Variants in DIAPH2 observed in about 807,000 individuals in gnomAD.
DIAPH2 encodes protein diaphanous homolog 2.
In DIAPH2, 35 loss-of-function variants were observed where a neutral mutation model predicts 92.7. That is an observed-to-expected ratio of 0.38 (90% CI 0.29 to 0.50). DIAPH2 has a LOEUF of 0.50. DIAPH2 is among the 20% of genes least tolerant of loss of function. The pLI, the probability that DIAPH2 is intolerant of heterozygous loss-of-function variation, is 0.94. For missense variants in DIAPH2, 701 were observed against 819.5 expected (o/e 0.86, Z 1.77); for synonymous variants, 301 against 280.4 (o/e 1.07, Z -0.73).
At chrX:97,204,811 G>GA (rs1209317457) in intron 22 of DIAPH2, among the ~76,000 whole-genome samples, 3 of 111,032 alleles carry the variant, frequency 2.7e-5, no homozygotes, top group Non-Finnish European at 3.8e-5. Flanking sequence ...CACAGAGTTG[G>GA]AAAAAAACTA....
intron 4 of DIAPH2, among the ~76,000 whole-genome samples, chrX:96,762,509 C>T (rs1269876382): frequency 1.8e-5 from 2 of 110,705 alleles, no homozygotes; most frequent in Non-Finnish European, 3.8e-5. Context: ...AAAACAGTAT[C>T]GTACACCTTA....
chrX:97,148,584 C>T (rs950132208), intron 22 of DIAPH2, among the ~76,000 whole-genome samples: 3 of 110,699 alleles, frequency 2.7e-5, no homozygotes, highest in Admixed American at 9.6e-5. Context: ...GCACCTCAGT[C>T]GGAGGGGCTC....
chrX:96,818,940 C>T (rs780086168), intron 4 of DIAPH2, among the ~76,000 whole-genome samples: 38 of 112,701 alleles, frequency 3.4e-4, no homozygotes, highest in African/African-American at 1.2e-3. Context: ...CACCTCAGAT[C>T]ATCAGGCATT....
At chrX:97,195,209 A>C (rs1347023941) in intron 22 of DIAPH2, among the ~76,000 whole-genome samples, 2 of 112,177 alleles carry the variant, frequency 1.8e-5, no homozygotes, top group East Asian at 5.8e-4. Context: ...GATAGCTGAA[A>C]TATATATAAC....
intron 5 of DIAPH2, among the ~76,000 whole-genome samples, chrX:96,898,335 C>T (rs1431639489): frequency 1.9e-5 from 2 of 104,007 alleles, no homozygotes; most frequent in Non-Finnish European, 2.0e-5. Flanking sequence ...AGTTTACAGT[C>T]CCACCAACAG....
At chrX:97,310,727 G>A (rs2068786373) in intron 23 of DIAPH2, among the ~76,000 whole-genome samples, 1 of 111,550 alleles carries the variant, frequency 9.0e-6, no homozygotes, top group Admixed American at 9.6e-5. Flanking sequence ...GGATCTGCCG[G>A]GTGTGGTGGG....
chrX:97,063,033 C>CAAAAA (rs56405925), intron 17 of DIAPH2, among the ~76,000 whole-genome samples: 11 of 57,363 alleles, frequency 1.9e-4, no homozygotes, highest in South Asian at 1.2e-3. Flanking sequence ...AACTCTGTCT[C>CAAAAA]AAAAAAAAAA....
At chrX:96,852,375 G>A (rs913853349) in intron 4 of DIAPH2, among the ~76,000 whole-genome samples, 1 of 112,222 alleles carries the variant, frequency 8.9e-6, no homozygotes, top group Non-Finnish European at 1.9e-5. Context: ...GAAGTTTACA[G>A]AATTATGTTT....
At chrX:97,306,679 C>T (rs775878542) in intron 23 of DIAPH2, among the ~76,000 whole-genome samples, 2 of 111,597 alleles carry the variant, frequency 1.8e-5, no homozygotes, top group East Asian at 5.7e-4. Flanking sequence ...TTCTTTGTAT[C>T]TGGGTGGTTA....
intron 4 of DIAPH2, among the ~76,000 whole-genome samples, chrX:96,864,367 T>G (rs976424089): frequency 9.1e-6 from 1 of 109,480 alleles, no homozygotes; most frequent in Non-Finnish European, 1.9e-5. Flanking sequence ...ATCAGCATTG[T>G]AAAAGAATAT....
At chrX:97,180,747 T>C (rs2147464152) in intron 22 of DIAPH2, among the ~76,000 whole-genome samples, 1 of 111,883 alleles carries the variant, frequency 8.9e-6, no homozygotes, top group South Asian at 3.7e-4. Context: ...CCCAGCACCA[T>C]TTATTAAATA....
intron 4 of DIAPH2, among the ~76,000 whole-genome samples, chrX:96,817,232 G>T: frequency 9.0e-6 from 1 of 111,728 alleles, no homozygotes; most frequent in Middle Eastern, 4.6e-3. Flanking sequence ...TGTATAATTG[G>T]ATTGTTTGTA....
At chrX:96,734,426 G>A (rs747115780) in intron 1 of DIAPH2, among the ~76,000 whole-genome samples, 1 of 111,872 alleles carries the variant, frequency 8.9e-6, no homozygotes, top group East Asian at 2.8e-4. Context: ...GGTATTGCAG[G>A]AAATCATGAA....
At chrX:97,392,208 T>A (rs2069666333) in intron 25 of DIAPH2, among the ~76,000 whole-genome samples, 1 of 111,693 alleles carries the variant, frequency 9.0e-6, no homozygotes, top group African/African-American at 3.3e-5. Context: ...TATAGGATAA[T>A]GACATTCACC....
intron 19 of DIAPH2, among the ~76,000 whole-genome samples, chrX:97,087,755 T>C (rs1436724332): frequency 1.8e-5 from 2 of 111,954 alleles, no homozygotes; most frequent in East Asian, 5.6e-4. Flanking sequence ...CCTGTCACTC[T>C]TTCTGGCCAT....
At chrX:96,934,166 A>G (rs73543182) in intron 10 of DIAPH2, among the ~76,000 whole-genome samples, 2,479 of 111,745 alleles carry the variant, frequency 0.022, 64 homozygotes, top group African/African-American at 0.076. Context: ...GTTAACATAT[A>G]CTACATACCT....
intron 17 of DIAPH2, among the ~76,000 whole-genome samples, chrX:97,063,871 C>G (rs1952578548): frequency 8.9e-6 from 1 of 112,203 alleles, no homozygotes; most frequent in Non-Finnish European, 1.9e-5. Flanking sequence ...ATCTAGCTGA[C>G]CAACTATTTT....
chrX:97,551,763 G>A (rs973328113), intron 26 of DIAPH2, among the ~76,000 whole-genome samples: 8 of 110,475 alleles, frequency 7.2e-5, no homozygotes, highest in Admixed American at 9.7e-5. Flanking sequence ...GATTATTCCC[G>A]AAGTATGAAG....
rs189140766 is a variant in DIAPH2 at position 97,407,892 on chromosome X, T to G, written c.3146-21758T>G. On this transcript the variant is annotated intron_variant, in intron 25 of 26. Coordinates refer to ENST00000324765, the MANE Select transcript of DIAPH2 (RefSeq NM_006729.5). ...AAGTAGACACATCAACTTAAAGCAC[T>G]TATGAAGTTAAGCTCTAAGGAATGA... 2.7e-5 allele frequency among the ~76,000 whole-genome samples: 3 copies of G among 112,022 alleles called. No homozygotes were observed. In the East Asian group the frequency reaches 8.4e-4, roughly 31 times the overall value.
Sources: gnomAD v4.1 joint callset for allele counts (sites outside exome capture counted in the v4.1 genomes callset) on GRCh38, gnomAD v4.1.1 for gene constraint, MANE v1.5 for transcripts, NCBI Gene and HGNC (gene_info 2026-07-23, HGNC 2026-07-21) for gene names.